The following SEMA5A variants were observed in gnomAD, a reference collection of about 807,000 sequenced individuals.
SEMA5A encodes semaphorin 5A.
In SEMA5A, 55 loss-of-function variants were observed where a neutral mutation model predicts 135.5. The observed-to-expected ratio is 0.41, with a 90% CI of 0.33 to 0.51. The LOEUF (loss-of-function observed/expected upper bound fraction) is 0.51. Among genes scored for constraint, SEMA5A ranks in the 20% least tolerant of loss-of-function variants. The pLI, the probability that SEMA5A is intolerant of heterozygous loss-of-function variation, is 0.37. For synonymous variants in SEMA5A, 580 were observed against 546.5 expected, an observed-to-expected ratio of 1.06 and a Z score of -0.85; for missense variants, 1,290 against 1,419.9, an observed-to-expected ratio of 0.91 and a Z score of 1.47.
intron 12 of SEMA5A, among the ~76,000 whole-genome samples, 174 bp downstream of exon 12, chr5:9,154,314 A>T (rs1806104): frequency 0.094 from 14,251 of 151,388 alleles, 1,356 homozygotes; most frequent in East Asian, 0.46. Context: ...GGTTATTCTC[A>T]TCACAGTGAA....
At chr5:9,518,377 A>C (rs939094852) in intron 1 of SEMA5A, among the ~76,000 whole-genome samples, 2 of 152,224 alleles carry the variant, frequency 1.3e-5, no homozygotes, top group African/African-American at 4.8e-5. Flanking sequence ...TAGGTGGCCT[A>C]TCACCAATGT....
At chr5:9,306,357 T>A (rs1751869247) in intron 5 of SEMA5A, among the ~76,000 whole-genome samples, 1 of 152,214 alleles carries the variant, frequency 6.6e-6, no homozygotes, top group Non-Finnish European at 1.5e-5. Context: ...TCAGTTTGAA[T>A]ATTTTCCACA....
At chr5:9,155,629 G>A (rs186079214) in intron 11 of SEMA5A, among the ~76,000 whole-genome samples, 11 of 152,258 alleles carry the variant, frequency 7.2e-5, no homozygotes, top group East Asian at 1.9e-4. Flanking sequence ...CCATGATCCC[G>A]AGTTTCAAAA....
chr5:9,375,506 A>G (rs368792422), intron 3 of SEMA5A, among the ~76,000 whole-genome samples: 4 of 151,606 alleles, frequency 2.6e-5, no homozygotes, highest in East Asian at 3.9e-4. Context: ...GTTCTTCTCT[A>G]GAGACTTCAG....
chr5:9,109,513 C>T (rs181438915), intron 15 of SEMA5A, among the ~76,000 whole-genome samples: 10 of 152,294 alleles, frequency 6.6e-5, no homozygotes, highest in African/African-American at 2.4e-4. Context: ...CATAGTCCAT[C>T]TAAGAAGCCC....
At chr5:9,097,421 C>T (rs1185952135) in intron 16 of SEMA5A, among the ~76,000 whole-genome samples, 1 of 152,132 alleles carries the variant, frequency 6.6e-6, no homozygotes, top group Non-Finnish European at 1.5e-5. Context: ...AAATGAAGAC[C>T]ACGCCATAAG....
intron 1 of SEMA5A, among the ~76,000 whole-genome samples, chr5:9,464,813 A>G (rs1759193686): frequency 6.6e-6 from 1 of 152,220 alleles, no homozygotes. Context: ...TCTCTGGAAT[A>G]AGATCCTTAG....
chr5:9,114,459 T>G (rs948153582), intron 15 of SEMA5A, among the ~76,000 whole-genome samples: 1 of 151,738 alleles, frequency 6.6e-6, no homozygotes, highest in East Asian at 1.9e-4. Flanking sequence ...CAAATTTATG[T>G]TTTTTTTGTG....
In SEMA5A at chr5:9,467,306, G is replaced by T. The variant is rs1759298307; in HGVS notation, c.-174-29454C>A. Among the ~76,000 whole-genome samples the T allele has an allele frequency of 3.3e-5, 5 of 152,120 alleles. No homozygotes were observed. The South Asian group carries it at 6.2e-4, about 19-fold the overall frequency. On this transcript the variant is annotated intron_variant, in intron 1 of 22. Coordinates refer to ENST00000382496, the MANE Select transcript of SEMA5A (RefSeq NM_003966.3). ...TTTTGTATTTTTAGTAGGGAACGGGGTTTCACCATCTTGGCCAGGCTTGTC... is the reference window on the plus strand; with the variant it reads ...TTTTGTATTTTTAGTAGGGAACGGGTTTTCACCATCTTGGCCAGGCTTGTC...
intron 2 of SEMA5A, among the ~76,000 whole-genome samples, chr5:9,400,918 C>T (rs1486069243): frequency 6.6e-6 from 1 of 152,030 alleles, no homozygotes; most frequent in Non-Finnish European, 1.5e-5. Flanking sequence ...TTATAAATTA[C>T]TTCATGATTT....
At chr5:9,544,717 T>C (rs788321) in intron 1 of SEMA5A, among the ~76,000 whole-genome samples, 1 of 151,914 alleles carries the variant, frequency 6.6e-6, no homozygotes, top group Non-Finnish European at 1.5e-5. Context: ...CGCGGCATCC[T>C]GGTACAAAGC....
At chr5:9,469,596 G>C (rs1759400700) in intron 1 of SEMA5A, among the ~76,000 whole-genome samples, 1 of 152,190 alleles carries the variant, frequency 6.6e-6, no homozygotes, top group Non-Finnish European at 1.5e-5. Flanking sequence ...TAGGTTTGGA[G>C]CCAGGATACC....
chr5:9,460,221 C>A (rs1173664595), intron 1 of SEMA5A, among the ~76,000 whole-genome samples: 1 of 152,120 alleles, frequency 6.6e-6, no homozygotes, highest in Non-Finnish European at 1.5e-5. Flanking sequence ...GTTGACCAGG[C>A]ATCAGTAAAG....
intron 1 of SEMA5A, among the ~76,000 whole-genome samples, chr5:9,522,174 T>C (rs1312130484): frequency 2.0e-5 from 3 of 152,122 alleles, no homozygotes; most frequent in South Asian, 4.1e-4. Context: ...ACAACTTCCA[T>C]GTAGAAAGGC....
intron 11 of SEMA5A, among the ~76,000 whole-genome samples, chr5:9,182,938 A>T (rs1308643439): frequency 6.6e-6 from 1 of 152,114 alleles, no homozygotes; most frequent in Non-Finnish European, 1.5e-5. Flanking sequence ...TTAGATTAAA[A>T]TCTGAATTTT....
chr5:9,218,710 G>A (rs1214290321), intron 8 of SEMA5A, among the ~76,000 whole-genome samples: 4 of 152,212 alleles, frequency 2.6e-5, no homozygotes, highest in Non-Finnish European at 4.4e-5. Flanking sequence ...TGCTAGCTGA[G>A]TGGTGGCCTT....
Position 9,160,374 on chromosome 5 carries a change from G to C in SEMA5A, c.1274-5679C>G, listed in dbSNP as rs541051590. On this transcript the variant is annotated intron_variant, in intron 11 of 22. Transcript: ENST00000382496. ...TGGGCAAACAGTGAAGGACCTTCCT[G>C]CTCCCTTAAACCAACTGTTTAAAGA... Among the ~76,000 whole-genome samples the C allele has an allele frequency of 9.2e-5, 14 of 152,204 alleles. No homozygotes were observed. In the East Asian group the frequency reaches 2.7e-3, roughly 29 times the overall value.
At chr5:9,277,466 T>C (rs929557019) in intron 5 of SEMA5A, among the ~76,000 whole-genome samples, 2 of 152,182 alleles carry the variant, frequency 1.3e-5, no homozygotes, top group African/African-American at 4.8e-5. Context: ...CATCACTGGG[T>C]ATATAGCCAA....
chr5:9,112,749 C>A (rs1013142457), intron 15 of SEMA5A, among the ~76,000 whole-genome samples: 2 of 152,190 alleles, frequency 1.3e-5, no homozygotes, highest in African/African-American at 4.8e-5. Context: ...TCACACCTTG[C>A]GTAATCTCCT....
Sources: gnomAD v4.1 joint callset for allele counts (sites outside exome capture counted in the v4.1 genomes callset) on GRCh38, gnomAD v4.1.1 for gene constraint, MANE v1.5 for transcripts, NCBI Gene and HGNC (gene_info 2026-07-23, HGNC 2026-07-21) for gene names.